The following DLG2 variants were observed in gnomAD, a reference collection of about 807,000 sequenced individuals.
The protein encoded by DLG2 is discs large MAGUK scaffold protein 2.
Under a neutral mutation model 132.5 loss-of-function variants are expected in DLG2, and 45 were observed. The ratio of observed to expected loss-of-function variants is 0.34; its 90% CI spans 0.27 to 0.44. The LOEUF (loss-of-function observed/expected upper bound fraction) is 0.44. Among genes scored for constraint, DLG2 ranks in the 20% least tolerant of loss-of-function variants. The pLI is 1.00. For missense variants in DLG2, 1,045 were observed against 1,196.9 expected, an observed-to-expected ratio of 0.87 and a Z score of 1.87; for synonymous variants, 424 against 419.6, an observed-to-expected ratio of 1.01 and a Z score of -0.13.
At chr11:84,506,079 C>CTTTTTTTTTTTTTTGTTTTTTTTTTTTT (rs2099239174) in intron 7 of DLG2, among the ~76,000 whole-genome samples, 1 of 107,024 alleles carries the variant, frequency 9.3e-6, no homozygotes, top group African/African-American at 5.1e-5. Context: ...AGGCTCAGTT[C>CTTTTTTTTTTTTTTGTTTTTTTTTTTTT]TTTTTTTTTT....
intron 6 of DLG2, among the ~76,000 whole-genome samples, chr11:84,908,753 G>T (rs61907734): frequency 6.6e-6 from 1 of 151,510 alleles, no homozygotes; most frequent in Non-Finnish European, 1.5e-5. Context: ...GGGCTTGTAA[G>T]ATGGGATGCT....
At chr11:84,923,330 T>G in intron 6 of DLG2, 1 of 1,283,676 alleles carries the variant, frequency 7.8e-7, no homozygotes, top group Non-Finnish European at 9.9e-7. Flanking sequence ...ATATATAGCA[T>G]TATGCCCAGT....
chr11:85,285,906 A>T (rs1461419416), intron 3 of DLG2, among the ~76,000 whole-genome samples: 2 of 152,004 alleles, frequency 1.3e-5, no homozygotes, highest in South Asian at 2.1e-4. Flanking sequence ...CATAACATGA[A>T]CCATTTGTCA....
chr11:85,075,661 TGA>T (rs888977316), intron 6 of DLG2, among the ~76,000 whole-genome samples: 3 of 151,904 alleles, frequency 2.0e-5, no homozygotes, highest in African/African-American at 2.4e-5. Flanking sequence ...ATATATTTTC[TGA>T]GAGTGTATAT....
intron 4 of DLG2, among the ~76,000 whole-genome samples, chr11:85,257,835 T>A (rs140750240): frequency 6.6e-6 from 1 of 152,356 alleles, no homozygotes; most frequent in Admixed American, 6.5e-5. Flanking sequence ...TGCATTCATA[T>A]ATAATATCAT....
chr11:83,467,771 G>GTGTATATATATATATATA (rs1283789103), intron 25 of DLG2, among the ~76,000 whole-genome samples: 1 of 85,058 alleles, frequency 1.2e-5, no homozygotes, highest in Non-Finnish European at 2.3e-5. Context: ...AAAACTATAT[G>GTGTATATATATATATATA]TATATATATA....
At chr11:84,449,436 T>C (rs1041798490) in intron 7 of DLG2, among the ~76,000 whole-genome samples, 6 of 151,770 alleles carry the variant, frequency 4.0e-5, no homozygotes, top group Non-Finnish European at 7.4e-5. Flanking sequence ...GCTTAAAAAA[T>C]ATACAAAGTT....
At chr11:84,717,235 CT>C (rs2061337519) in intron 6 of DLG2, among the ~76,000 whole-genome samples, 1 of 152,030 alleles carries the variant, frequency 6.6e-6, no homozygotes, top group South Asian at 2.1e-4. Flanking sequence ...TCCTAATAAT[CT>C]TATTTTCACA....
At chr11:85,153,899 A>G (rs1022761326) in intron 5 of DLG2, among the ~76,000 whole-genome samples, 2 of 152,196 alleles carry the variant, frequency 1.3e-5, no homozygotes, top group African/African-American at 4.8e-5. Flanking sequence ...AAGCAGCATA[A>G]GCTAGCAATA....
At chr11:84,884,981 G>C (rs891416808) in intron 6 of DLG2, among the ~76,000 whole-genome samples, 17 of 152,116 alleles carry the variant, frequency 1.1e-4, no homozygotes, top group African/African-American at 3.9e-4. Flanking sequence ...AACATTGTCT[G>C]ATCCTGACAT....
At chr11:85,301,491 C>T (rs1450828078) in intron 3 of DLG2, among the ~76,000 whole-genome samples, 1 of 152,098 alleles carries the variant, frequency 6.6e-6, no homozygotes, top group Non-Finnish European at 1.5e-5. Context: ...GGAAGCAAAG[C>T]GTTGAATGGA....
At chr11:83,739,336 A>T (rs866923130) in intron 18 of DLG2, among the ~76,000 whole-genome samples, 55 of 152,318 alleles carry the variant, frequency 3.6e-4, no homozygotes, top group African/African-American at 1.2e-3. Context: ...ATTTTTCATA[A>T]GCCTCTAAAT....
chr11:84,700,480 T>C (rs1485027574), intron 6 of DLG2, among the ~76,000 whole-genome samples: 4 of 151,672 alleles, frequency 2.6e-5, no homozygotes, highest in Non-Finnish European at 3.0e-5. Flanking sequence ...AAATAACTGA[T>C]CAAGTATAGC....
intron 7 of DLG2, among the ~76,000 whole-genome samples, chr11:84,528,447 C>T (rs941072837): frequency 3.9e-5 from 6 of 152,098 alleles, no homozygotes; most frequent in East Asian, 3.9e-4. Flanking sequence ...TAATACACGA[C>T]GATGGAGAAA....
Position 83,930,394 on chromosome 11 carries a change from C to A in DLG2, c.1430G>T (p.Ser477Ile), listed in dbSNP as rs1286475369. 1 of 1,614,038 alleles carries A rather than the reference C, an allele frequency of 6.2e-7. No homozygotes were observed. Among genetic ancestry groups the A allele is most frequent in the South Asian group, 1.1e-5 (1 of 91,080 alleles). Residue 477 changes from serine (S) to isoleucine (I), a missense_variant, in exon 15 of 28, where the codon AGC becomes ATC. By Grantham distance (142) the Ser-to-Ile change is moderately radical. Transcript: ENST00000376104. ...RHYSPVECDK[S>I]FLLSAPYSHY... is the part of the protein sequence containing the mutation. ...GGAATAGGGAGCTGAGAGGAGGAAG[C>A]TTTTGTCACACTCAACAGGGGAATA...
chr11:84,502,263 C>CTTTCT (rs1567804699), intron 7 of DLG2, among the ~76,000 whole-genome samples: 3 of 28,980 alleles, frequency 1.0e-4, no homozygotes, highest in Admixed American at 3.1e-4. Flanking sequence ...TCCTTCCTTC[C>CTTTCT]TTCCTTCCTT....
chr11:83,942,485 T>C (rs1276617909), intron 14 of DLG2, among the ~76,000 whole-genome samples: 1 of 152,202 alleles, frequency 6.6e-6, no homozygotes, highest in East Asian at 1.9e-4. Context: ...TTATGAATGA[T>C]ATGTCTACAT....
chr11:85,071,980 G>A (rs1434983376), intron 6 of DLG2, among the ~76,000 whole-genome samples: 5 of 151,764 alleles, frequency 3.3e-5, no homozygotes, highest in Non-Finnish European at 7.4e-5. Context: ...AGTCCATGCC[G>A]CAACACAAAT....
At chr11:85,402,005 T>C (rs2088177665) in intron 3 of DLG2, among the ~76,000 whole-genome samples, 1 of 152,052 alleles carries the variant, frequency 6.6e-6, no homozygotes, top group Non-Finnish European at 1.5e-5. Context: ...TAATTTCATA[T>C]GGAACCAAAA....
Sources: allele counts gnomAD v4.1 joint callset (sites outside exome capture counted in the v4.1 genomes callset), GRCh38; gene constraint gnomAD v4.1.1; transcripts MANE v1.5; gene names NCBI Gene and HGNC (gene_info 2026-07-23, HGNC 2026-07-21).